The following FHIT variants were observed in gnomAD, a reference collection of about 807,000 sequenced individuals.
FHIT encodes bis(5'-adenosyl)-triphosphatase.
FHIT carries 19 observed loss-of-function variants against 17.9 expected under a neutral mutation model. The observed-to-expected ratio is 1.06, with a 90% CI of 0.74 to 1.56. The LOEUF (loss-of-function observed/expected upper bound fraction) is 1.56. Ranked by LOEUF, FHIT falls within the 40% of genes most tolerant of loss-of-function variation. The pLI is 0.00. For missense variants in FHIT, 248 were observed against 189.2 expected, an observed-to-expected ratio of 1.31 and a Z score of -1.82; for synonymous variants, 81 against 69.7, an observed-to-expected ratio of 1.16 and a Z score of -0.81.
chr3:60,601,134 T>C (rs945254320), intron 4 of FHIT, among the ~76,000 whole-genome samples: 5 of 152,154 alleles, frequency 3.3e-5, no homozygotes, highest in African/African-American at 1.2e-4. Flanking sequence ...ACAATGCTGG[T>C]TGAGGAATGG....
chr3:60,446,570 CA>C (rs1161929266), intron 5 of FHIT, among the ~76,000 whole-genome samples: 1 of 152,036 alleles, frequency 6.6e-6, no homozygotes, highest in Non-Finnish European at 1.5e-5. Context: ...AGGAGACTAT[CA>C]AAAACACACA....
At chr3:60,408,678 G>A (rs948315165) in intron 5 of FHIT, among the ~76,000 whole-genome samples, 6 of 152,124 alleles carry the variant, frequency 3.9e-5, no homozygotes, top group Non-Finnish European at 8.8e-5. Flanking sequence ...AGTCATCTGG[G>A]CCAAGTGTAT....
chr3:60,841,395 T>C (rs1436108909), intron 3 of FHIT, among the ~76,000 whole-genome samples: 1 of 152,244 alleles, frequency 6.6e-6, no homozygotes, highest in Non-Finnish European at 1.5e-5. Context: ...AGTCTTGGGA[T>C]TCTAAAATCA....
chr3:60,449,511 T>C (rs2031576520), intron 5 of FHIT, among the ~76,000 whole-genome samples: 1 of 152,070 alleles, frequency 6.6e-6, no homozygotes. Context: ...TTAGGCTATT[T>C]TATTGTGCCA....
rs189957137 is a variant in FHIT at position 61,019,877 on chromosome 3, T to A, written c.-111+22170A>T. On this transcript the variant is annotated intron_variant, in intron 3 of 9. Coordinates refer to ENST00000492590, the MANE Select transcript of FHIT (RefSeq NM_002012.4). Reference sequence around the variant, plus strand: ...ATTCATATGATTTTCTCTTTTTTTTTAATTATACTTTAAGTTCTGGGATAC... The same window carrying A: ...ATTCATATGATTTTCTCTTTTTTTTAAATTATACTTTAAGTTCTGGGATAC... Among the ~76,000 whole-genome samples the A allele has an allele frequency of 5.8e-4, 88 of 152,284 alleles. No individual in the cohort carries two copies. The East Asian group carries it at 9.5e-3, about 16-fold the overall frequency.
chr3:60,029,879 T>TAGTGTGTGTGTG (rs1553655670), intron 5 of FHIT, among the ~76,000 whole-genome samples: 4 of 131,484 alleles, frequency 3.0e-5, no homozygotes, highest in African/African-American at 1.1e-4. Context: ...CATAGAAGCA[T>TAGTGTGTGTGTG]TGTGTGTGTG....
chr3:61,011,564 AG>A (rs2031790675), intron 3 of FHIT, among the ~76,000 whole-genome samples: 1 of 152,156 alleles, frequency 6.6e-6, no homozygotes, highest in African/African-American at 2.4e-5. Context: ...AACTGTATAA[AG>A]TCTTCCAACT....
intron 5 of FHIT, among the ~76,000 whole-genome samples, chr3:60,199,207 G>A (rs913833278): frequency 6.6e-6 from 1 of 152,134 alleles, no homozygotes; most frequent in African/African-American, 2.4e-5. Context: ...TCCACTGGGA[G>A]GAACAATGAA....
intron 3 of FHIT, among the ~76,000 whole-genome samples, chr3:60,907,460 C>T (rs1706490706): frequency 6.6e-6 from 1 of 151,748 alleles, no homozygotes; most frequent in Non-Finnish European, 1.5e-5. Context: ...TGATTGTATT[C>T]TAAAAAGAAA....
chr3:60,594,762 T>G (rs1576941266), intron 4 of FHIT, among the ~76,000 whole-genome samples: 1 of 152,148 alleles, frequency 6.6e-6, no homozygotes, highest in African/African-American at 2.4e-5. Context: ...GCATTGCTTT[T>G]TCCCCCATAT....
chr3:60,842,211 C>A (rs966493370), intron 3 of FHIT, among the ~76,000 whole-genome samples: 1 of 152,090 alleles, frequency 6.6e-6, no homozygotes, highest in Non-Finnish European at 1.5e-5. Flanking sequence ...AGAATTGACA[C>A]CAGTGAATCT....
Position 60,281,493 on chromosome 3 carries a change from C to A in FHIT, c.103+255367G>T, listed in dbSNP as rs544039377. On this transcript the variant is annotated intron_variant, in intron 5 of 9. Transcript: ENST00000492590. Reference sequence around the variant, plus strand: ...CTGGTGACAGAATAGGTAAGTGAATCAAAAGAACAGAAGAGGAAATCCAGA... The same window carrying A: ...CTGGTGACAGAATAGGTAAGTGAATAAAAAGAACAGAAGAGGAAATCCAGA... Among the ~76,000 whole-genome samples the A allele has an allele frequency of 6.5e-3, 987 of 151,774 alleles. 8 individuals are homozygous for A. The highest frequency in any genetic ancestry group is 0.023 in the African/African-American group (941 of 41,420).
chr3:59,968,394 A>G (rs1159770356), intron 7 of FHIT, among the ~76,000 whole-genome samples: 1 of 152,098 alleles, frequency 6.6e-6, no homozygotes, highest in Non-Finnish European at 1.5e-5. Context: ...TCTACTTAAG[A>G]AACACTTTTA....
intron 4 of FHIT, among the ~76,000 whole-genome samples, chr3:60,747,949 T>G (rs1412714871): frequency 6.6e-6 from 1 of 152,220 alleles, no homozygotes; most frequent in East Asian, 1.9e-4. Flanking sequence ...CAAGTGCATC[T>G]CAGTGTAATG....
chr3:60,747,443 C>G (rs2042381493), intron 4 of FHIT, among the ~76,000 whole-genome samples: 1 of 152,058 alleles, frequency 6.6e-6, no homozygotes, highest in African/African-American at 2.4e-5. Flanking sequence ...ATCCCCAGCC[C>G]CTAGCACACC....
chr3:60,410,250 G>A (rs946824074), intron 5 of FHIT, among the ~76,000 whole-genome samples: 8 of 152,162 alleles, frequency 5.3e-5, no homozygotes, highest in African/African-American at 1.7e-4. Flanking sequence ...GAATAGATGA[G>A]CAAGTTATCC....
intron 3 of FHIT, among the ~76,000 whole-genome samples, chr3:60,955,035 A>C (rs948507058): frequency 6.6e-6 from 1 of 152,192 alleles, no homozygotes; most frequent in Admixed American, 6.5e-5. Context: ...ATCTAAAACT[A>C]AACAGGTTTT....
Position 60,864,489 on chromosome 3 carries a change from A to G in FHIT, c.-110-42478T>C, listed in dbSNP as rs571042562. On this transcript the variant is annotated intron_variant, in intron 3 of 9. Transcript: ENST00000492590. The stretch of plus-strand genomic sequence containing the variant: ...AGAAGGGCTGAGATTTGGGATGAAT[A>G]CCTTCATCAAGAAAAGGAGGAGCCA... Among the ~76,000 whole-genome samples the G allele has an allele frequency of 9.5e-4, 145 of 152,252 alleles. 1 individual carries two copies. Among genetic ancestry groups the G allele is most frequent in the African/African-American group, 3.4e-3 (140 of 41,552 alleles).
At chr3:60,696,803 T>C (rs1458790937) in intron 4 of FHIT, among the ~76,000 whole-genome samples, 2 of 152,144 alleles carry the variant, frequency 1.3e-5, no homozygotes, top group Non-Finnish European at 2.9e-5. Flanking sequence ...ATTACGACCT[T>C]AGGTTGAAGA....
Sources: gnomAD v4.1 joint callset for allele counts (sites outside exome capture counted in the v4.1 genomes callset) on GRCh38, gnomAD v4.1.1 for gene constraint, MANE v1.5 for transcripts, NCBI Gene and HGNC (gene_info 2026-07-23, HGNC 2026-07-21) for gene names.